The following IFNLR1 variants were observed in gnomAD, a reference collection of about 807,000 sequenced individuals.
IFNLR1 encodes the protein interferon lambda receptor 1, also known as CRF2-12.
Under a neutral mutation model 52.5 loss-of-function variants are expected in IFNLR1, and 28 were observed. That is an observed-to-expected ratio of 0.53 (90% CI 0.40 to 0.73). IFNLR1 has a LOEUF of 0.73. Ranked by LOEUF, IFNLR1 falls within the 30% of genes least tolerant of loss-of-function variation. IFNLR1 has a pLI of 0.00. For missense variants in IFNLR1, 623 were observed against 659.1 expected, an observed-to-expected ratio of 0.95 and a Z score of 0.60; for synonymous variants, 276 against 274.9, an observed-to-expected ratio of 1.00 and a Z score of -0.04.
chr1:24,164,951 C>T (rs771143715), intron 3 of IFNLR1, among the ~76,000 whole-genome samples: 2 of 152,022 alleles, frequency 1.3e-5, no homozygotes, highest in African/African-American at 4.8e-5. Context: ...TTAGTAGAGA[C>T]GGAGTTTCCC....
intron 6 of IFNLR1, among the ~76,000 whole-genome samples, chr1:24,158,564 G>A (rs113963199): frequency 1.3e-5 from 2 of 152,136 alleles, no homozygotes; most frequent in Admixed American, 1.3e-4. Context: ...GAACAGGGCC[G>A]ACCTATATCA....
chr1:24,187,222 G>T lies in IFNLR1; in HGVS notation c.27C>A (p.Pro9=). The change falls in exon 1 of 7, where the codon CCC becomes CCA. Residue 9 remains proline (P), a synonymous_variant. Coordinates refer to ENST00000327535, the MANE Select transcript of IFNLR1 (RefSeq NM_170743.4). Reference sequence around the variant, plus strand: ...CGGCCTGCAGCAGGCACAGGAGCAGGGGGCCCCAGCGCTCGGGCCCCGCCA... The same window carrying T: ...CGGCCTGCAGCAGGCACAGGAGCAGTGGGCCCCAGCGCTCGGGCCCCGCCA... MAGPERWG[P]LLLCLLQAAP... 7.7e-7 allele frequency: 1 copy of T among 1,295,564 alleles called. No individual in the cohort carries two copies. The highest frequency in any genetic ancestry group is 2.2e-5 in the South Asian group (1 of 45,204). The allele number at this position is 1,295,564 out of a possible 1,614,324, so 80.3% of individuals were successfully genotyped here. A position where few individuals can be genotyped will look rare whatever the true frequency, so the allele number is the denominator to read the frequency against.
chr1:24,185,958 C>T (rs999394563), intron 1 of IFNLR1, among the ~76,000 whole-genome samples: 2 of 152,230 alleles, frequency 1.3e-5, no homozygotes, highest in African/African-American at 4.8e-5. Flanking sequence ...CCTGAGGCTA[C>T]ACAGTCAGTT....
chr1:24,160,912 T>C (rs12565101), intron 4 of IFNLR1, among the ~76,000 whole-genome samples: 49,543 of 150,216 alleles, frequency 0.33, 8,478 homozygotes, highest in East Asian at 0.62. Context: ...TTTGTAGGGA[T>C]AATGTTTCAC....
rs1168685099 is a variant in IFNLR1 at position 24,161,627 on chromosome 1, T to C, written c.425A>G (p.Asn142Ser). The C allele has an allele frequency of 5.2e-6, 8 of 1,549,188 alleles. No homozygotes were observed. The highest frequency in any genetic ancestry group is 7.0e-6 in the Non-Finnish European group (8 of 1,145,166). Residue 142 changes from asparagine to serine, a missense_variant, in exon 4 of 7, where the codon AAT (asparagine) becomes AGT (serine). Transcript: ENST00000327535. ...GCAGGGGGGCAGCTGGTACGTGGCA[T>C]TGGCACTCAGGATCTCCTCCGTCTG... ...LTQTEEILSA[N>S]ATYQLPPCMP... is the part of the protein sequence containing the mutation.
chr1:24,179,365 A>G (rs915887170), intron 2 of IFNLR1, among the ~76,000 whole-genome samples: 2 of 152,242 alleles, frequency 1.3e-5, no homozygotes, highest in African/African-American at 4.8e-5. Context: ...CTCTGTAAAG[A>G]GGCGTACTGA....
In IFNLR1 at chr1:24,187,223, G is replaced by T; in HGVS notation, c.26C>A (p.Pro9His). Residue 9 changes from proline to histidine, a missense_variant, in exon 1 of 7, where the codon CCC (proline) becomes CAC (histidine). By Grantham distance (77) the Pro-to-His change is moderately conservative. Coordinates refer to ENST00000327535, the MANE Select transcript of IFNLR1 (RefSeq NM_170743.4). ...GGCCTGCAGCAGGCACAGGAGCAGGGGGCCCCAGCGCTCGGGCCCCGCCAT... is the reference window on the plus strand; with the variant it reads ...GGCCTGCAGCAGGCACAGGAGCAGGTGGCCCCAGCGCTCGGGCCCCGCCAT... MAGPERWG[P>H]LLLCLLQAAP... is the part of the protein sequence containing the mutation. 1 of 1,294,168 alleles carries T rather than the reference G, an allele frequency of 7.7e-7. No homozygotes were observed. The highest frequency in any genetic ancestry group is 2.2e-5 in the South Asian group (1 of 44,872). 80.2% of individuals were successfully genotyped at this position (1,294,168 alleles called of 1,614,324 possible). A position where few individuals can be genotyped will look rare whatever the true frequency, so the allele number is the denominator to read the frequency against.
chr1:24,160,476 AC>A (rs1377047952), intron 4 of IFNLR1, among the ~76,000 whole-genome samples: 3 of 152,240 alleles, frequency 2.0e-5, no homozygotes, highest in African/African-American at 7.2e-5. Context: ...GTCTCTTTTT[AC>A]TTAATTTAAC....
chr1:24,184,391 C>T (rs992442816), intron 1 of IFNLR1, among the ~76,000 whole-genome samples: 2 of 152,204 alleles, frequency 1.3e-5, no homozygotes, highest in South Asian at 2.1e-4. Context: ...TTACACCACT[C>T]CCCAGTTTCA....
intron 1 of IFNLR1, among the ~76,000 whole-genome samples, chr1:24,181,276 C>T (rs952024294): frequency 5.9e-5 from 9 of 152,198 alleles, no homozygotes; most frequent in East Asian, 1.9e-4. Context: ...GCTTCCTGAC[C>T]GGTCTCCTTG....
At chr1:24,169,930 G>A (rs1644562033) in intron 2 of IFNLR1, among the ~76,000 whole-genome samples, 2 of 152,110 alleles carry the variant, frequency 1.3e-5, no homozygotes, top group African/African-American at 4.8e-5. Context: ...TAGTACTAGC[G>A]ACCATTACTA....
At chr1:24,161,343 G>A (rs1644440889) in intron 4 of IFNLR1, 199 bp downstream of exon 4, 1 of 635,806 alleles carries the variant, frequency 1.6e-6, no homozygotes, top group Non-Finnish European at 2.8e-6. Flanking sequence ...TACTGAATCT[G>A]TTGACTTGGC....
chr1:24,182,070 C>T (rs1644695835), intron 1 of IFNLR1, among the ~76,000 whole-genome samples: 1 of 152,036 alleles, frequency 6.6e-6, no homozygotes, highest in African/African-American at 2.4e-5. Context: ...CATGATGGCA[C>T]AGGGCTGTAA....
In IFNLR1 at chr1:24,159,569, T is replaced by G; in HGVS notation, c.575A>C (p.Glu192Ala). 6.2e-7 allele frequency: 1 copy of G among 1,613,778 alleles called. No homozygotes were observed. The highest frequency in any genetic ancestry group is 1.1e-5 in the South Asian group (1 of 91,048). Residue 192 changes from glutamate (E) to alanine (A), a missense_variant, in exon 5 of 7, where the codon GAA (glutamate) becomes GCA (alanine). Coordinates refer to ENST00000327535, the MANE Select transcript of IFNLR1 (RefSeq NM_170743.4). ...GGTTCTGGCACTGAGGCAGTGGTGT[T>G]CGCTGGCAGCTGGCTGGAGAGTGAT... ...VQITLQPAASEHHCLSARTIY... is the reference protein window; with the variant it reads ...VQITLQPAASAHHCLSARTIY...
chr1:24,169,302 T>A (rs557172038), intron 3 of IFNLR1, 115 bp downstream of exon 3: 1 of 1,001,976 alleles, frequency 1.0e-6, no homozygotes, highest in Non-Finnish European at 1.5e-6. Flanking sequence ...GGAGCTGCCC[T>A]CTGCTTTGGG....
chr1:24,158,875 T>A, intron 6 of IFNLR1, 177 bp downstream of exon 6: 1 of 719,860 alleles, frequency 1.4e-6, no homozygotes, highest in Non-Finnish European at 2.4e-6. Flanking sequence ...TGTTTGCCAT[T>A]TTATTCAGGA....
At chr1:24,159,251 T>C in intron 5 of IFNLR1, 69 bp from the exon 6 acceptor site, 1 of 1,559,928 alleles carries the variant, frequency 6.4e-7, no homozygotes, top group Non-Finnish European at 8.8e-7. Context: ...CTGTGCCGAG[T>C]GCTTCACATA....
rs1227896747 is a variant in IFNLR1, at chr1:24,180,753, T to G, written c.160A>C (p.Thr54Pro). Reference sequence around the variant, plus strand: ...TACCTCTGATAGGCCACAAAATAGGTCACATCCTGGGGGTTGCCAAGCCCT... The same window carrying G: ...TACCTCTGATAGGCCACAAAATAGGGCACATCCTGGGGGTTGCCAAGCCCT... ...LPGLGNPQDV[T>P]YFVAYQSSPT... is the part of the protein sequence containing the mutation. Residue 54 changes from threonine to proline, a missense_variant, in exon 2 of 7, where the codon ACC (threonine) becomes CCC (proline). Transcript: ENST00000327535. The G allele has an allele frequency of 6.3e-7, 1 of 1,578,996 alleles. No individual in the cohort carries two copies. The highest frequency in any genetic ancestry group is 1.4e-5 in the African/African-American group (1 of 69,464).
intron 3 of IFNLR1, among the ~76,000 whole-genome samples, chr1:24,165,749 G>A (rs1434724886): frequency 1.3e-5 from 2 of 152,166 alleles, no homozygotes; most frequent in African/African-American, 4.8e-5. Context: ...TCTTCATGAT[G>A]TCATTACTTA....
Sources: allele counts gnomAD v4.1 joint callset (sites outside exome capture counted in the v4.1 genomes callset), GRCh38; gene constraint gnomAD v4.1.1; transcripts MANE v1.5; gene names NCBI Gene and HGNC (gene_info 2026-07-23, HGNC 2026-07-21).